Variants in PLCB1 observed in about 807,000 individuals in gnomAD.
PLCB1 encodes the protein 1-phosphatidylinositol 4,5-bisphosphate phosphodiesterase beta-1.
Under a neutral mutation model 161.8 loss-of-function variants are expected in PLCB1, and 46 were observed. The ratio of observed to expected loss-of-function variants is 0.28; its 90% CI spans 0.22 to 0.36. PLCB1 has a LOEUF of 0.36. Ranked by LOEUF, PLCB1 falls within the 10% of genes least tolerant of loss-of-function variation. PLCB1 has a pLI of 1.00. For synonymous variants in PLCB1, 517 were observed against 503.7 expected, an observed-to-expected ratio of 1.03 and a Z score of -0.35; for missense variants, 1,016 against 1,472.5, an observed-to-expected ratio of 0.69 and a Z score of 5.07.
chr20:8,867,217 G>T (rs553906654), intron 31 of PLCB1, among the ~76,000 whole-genome samples: 1 of 152,288 alleles, frequency 6.6e-6, no homozygotes, highest in East Asian at 1.9e-4. Flanking sequence ...CTTAAAAGGA[G>T]TTATCATAAA....
intron 7 of PLCB1, among the ~76,000 whole-genome samples, chr20:8,655,065 A>G (rs1040565722): frequency 8.5e-5 from 13 of 152,080 alleles, no homozygotes; most frequent in South Asian, 2.1e-4. Context: ...TTCTTTCTTC[A>G]ATATGCTATC....
chr20:8,166,925 A>G (rs1052232860), intron 2 of PLCB1, among the ~76,000 whole-genome samples: 1 of 152,170 alleles, frequency 6.6e-6, no homozygotes, highest in Non-Finnish European at 1.5e-5. Flanking sequence ...AGTTGTAATC[A>G]AATGTTTTTT....
At chr20:8,796,865 T>C (rs73603783) in intron 31 of PLCB1, among the ~76,000 whole-genome samples, 5 of 152,344 alleles carry the variant, frequency 3.3e-5, no homozygotes, top group African/African-American at 9.6e-5. Flanking sequence ...CATTTAGATA[T>C]GTCTACATAT....
chr20:8,804,407 T>A (rs1984425955), intron 31 of PLCB1, among the ~76,000 whole-genome samples: 1 of 130,430 alleles, frequency 7.7e-6, no homozygotes, highest in African/African-American at 3.0e-5. Flanking sequence ...TTAATCATAT[T>A]GTTAGTTTGT....
intron 10 of PLCB1, among the ~76,000 whole-genome samples, chr20:8,691,378 A>G (rs1990475422): frequency 6.6e-6 from 1 of 152,330 alleles, no homozygotes; most frequent in Admixed American, 6.5e-5. Flanking sequence ...CTGTATTTAT[A>G]GAAACATTAT....
At chr20:8,603,169 T>G (rs1227906118) in intron 3 of PLCB1, among the ~76,000 whole-genome samples, 4 of 152,236 alleles carry the variant, frequency 2.6e-5, no homozygotes, top group Non-Finnish European at 5.9e-5. Context: ...ACTTGTTATT[T>G]AAAGAAATGT....
intron 9 of PLCB1, among the ~76,000 whole-genome samples, chr20:8,681,103 T>G (rs1365579292): frequency 1.5e-5 from 2 of 133,034 alleles, no homozygotes; most frequent in African/African-American, 2.8e-5. Flanking sequence ...TATATATATA[T>G]ATATATATAT....
chr20:8,736,400 T>C (rs984514011), intron 19 of PLCB1, among the ~76,000 whole-genome samples: 4 of 152,220 alleles, frequency 2.6e-5, no homozygotes, highest in Admixed American at 1.3e-4. Flanking sequence ...GATAAACTTA[T>C]CTTGATGGTT....
chr20:8,744,616 T>TAAATA (rs11474419), intron 23 of PLCB1, among the ~76,000 whole-genome samples: 26,327 of 120,954 alleles, frequency 0.22, 3,202 homozygotes, highest in Non-Finnish European at 0.3. Flanking sequence ...AAAAATAAAA[T>TAAATA]AAATAAAATA....
At chr20:8,779,277 C>T (rs576693503) in intron 27 of PLCB1, among the ~76,000 whole-genome samples, 54 of 151,478 alleles carry the variant, frequency 3.6e-4, no homozygotes, top group Admixed American at 2.6e-4. Context: ...ACACTGGAGA[C>T]GAAAATGAAT....
intron 3 of PLCB1, among the ~76,000 whole-genome samples, chr20:8,499,505 A>C (rs1983314993): frequency 6.6e-6 from 1 of 152,242 alleles, no homozygotes; most frequent in Non-Finnish European, 1.5e-5. Context: ...AATGAAGAGA[A>C]GATAAAGAGG....
intron 31 of PLCB1, among the ~76,000 whole-genome samples, chr20:8,878,667 C>G (rs1987864301): frequency 6.6e-6 from 1 of 152,148 alleles, no homozygotes; most frequent in African/African-American, 2.4e-5. Context: ...AGTTGACTTT[C>G]AATACTCAGC....
chr20:8,406,060 T>C (rs978775203), intron 3 of PLCB1, among the ~76,000 whole-genome samples: 1 of 152,126 alleles, frequency 6.6e-6, no homozygotes, highest in African/African-American at 2.4e-5. Flanking sequence ...AGCCCATCAT[T>C]GCCTGTATGT....
intron 3 of PLCB1, among the ~76,000 whole-genome samples, chr20:8,479,766 T>C (rs541414577): frequency 3.3e-5 from 5 of 152,376 alleles, no homozygotes; most frequent in African/African-American, 1.2e-4. Flanking sequence ...TTGTGTGGTA[T>C]GACTCCTTCT....
chr20:8,392,116 G>A (rs914627810), intron 3 of PLCB1, among the ~76,000 whole-genome samples: 1 of 151,724 alleles, frequency 6.6e-6, no homozygotes, highest in Non-Finnish European at 1.5e-5. Flanking sequence ...AAACTTAATC[G>A]CCGATGCAAT....
intron 2 of PLCB1, among the ~76,000 whole-genome samples, chr20:8,224,579 C>T (rs6055667): frequency 0.012 from 1,859 of 152,090 alleles, 42 homozygotes; most frequent in African/African-American, 0.042. Context: ...GTAATCATCA[C>T]GCAGCATATC....
At chr20:8,709,083 T>C (rs932071146) in intron 12 of PLCB1, among the ~76,000 whole-genome samples, 1 of 152,194 alleles carries the variant, frequency 6.6e-6, no homozygotes, top group Non-Finnish European at 1.5e-5. Context: ...TTTATAACCC[T>C]TCTTCATTAG....
intron 3 of PLCB1, among the ~76,000 whole-genome samples, chr20:8,439,895 G>A (rs925576777): frequency 3.3e-5 from 5 of 151,938 alleles, no homozygotes; most frequent in Middle Eastern, 3.4e-3. Context: ...GCCCTCTTTT[G>A]AAGCTATTCT....
At position 8,565,050 on chromosome 20, in the gene PLCB1, C is replaced by T. The variant is rs577085898; in HGVS notation, c.247-63244C>T. On this transcript the variant is annotated intron_variant, in intron 3 of 31. Coordinates refer to ENST00000338037, the MANE Select transcript of PLCB1 (RefSeq NM_015192.4). ...GACACATGCACATGTATGTTTATTACGGCAGTGTTCACAATAGCAAAGACT... is the reference window on the plus strand; with the variant it reads ...GACACATGCACATGTATGTTTATTATGGCAGTGTTCACAATAGCAAAGACT... Among the ~76,000 whole-genome samples the T allele has an allele frequency of 1.2e-4, 18 of 152,202 alleles. 2 individuals are homozygous for T. The highest frequency in any genetic ancestry group is 5.8e-4 in the East Asian group (3 of 5,174).
Sources: gnomAD v4.1 joint callset for allele counts (sites outside exome capture counted in the v4.1 genomes callset) on GRCh38, gnomAD v4.1.1 for gene constraint, MANE v1.5 for transcripts, NCBI Gene and HGNC (gene_info 2026-07-23, HGNC 2026-07-21) for gene names.